Variants in MVB12B observed in about 807,000 individuals in gnomAD.
MVB12B encodes multivesicular body subunit 12B, also known as ESCRT-I complex subunit MVB12B.
In MVB12B, 16 loss-of-function variants were observed where a neutral mutation model predicts 41.6. That is an observed-to-expected ratio of 0.38 (90% CI 0.26 to 0.58). The LOEUF is 0.58. MVB12B is among the 20% of genes least tolerant of loss of function. MVB12B has a pLI of 0.62. For synonymous variants in MVB12B, 133 were observed against 139.7 expected (o/e 0.95, Z 0.34); for missense variants, 274 against 380.2 (o/e 0.72, Z 2.32).
chr9:126,428,124 C>G (rs1424937119), intron 7 of MVB12B, among the ~76,000 whole-genome samples: 1 of 152,042 alleles, frequency 6.6e-6, no homozygotes, highest in South Asian at 2.1e-4. Context: ...GATCATGGCC[C>G]CTTGTACAGA....
intron 6 of MVB12B, among the ~76,000 whole-genome samples, chr9:126,406,015 G>C (rs1831409811): frequency 3.3e-5 from 5 of 150,574 alleles, no homozygotes; most frequent in Admixed American, 1.3e-4. Flanking sequence ...GTGAATAATT[G>C]TGTCCTCATT....
At chr9:126,447,145 A>G (rs1379917584) in intron 7 of MVB12B, among the ~76,000 whole-genome samples, 1 of 150,384 alleles carries the variant, frequency 6.6e-6, no homozygotes, top group Admixed American at 6.6e-5. Context: ...GGGTTTCACC[A>G]TGTTGGCCAG....
chr9:126,414,800 T>C lies in MVB12B; in HGVS notation c.663-7054T>C, dbSNP rs866227685. ...CTGTCCATAAGTGCACCAGCCACCA[T>C]CATTCTCGTGGACCTCTCAGGTTTT... On this transcript the variant is annotated intron_variant, in intron 6 of 9. Transcript: ENST00000361171. Among the ~76,000 whole-genome samples, 88 of 152,130 alleles carry C rather than the reference T, an allele frequency of 5.8e-4. 1 individual carries two copies. The highest frequency in any genetic ancestry group is 2.1e-3 in the African/African-American group (85 of 41,442).
intron 2 of MVB12B, among the ~76,000 whole-genome samples, chr9:126,380,080 T>C (rs1164104777): frequency 2.6e-5 from 4 of 152,346 alleles, no homozygotes; most frequent in Admixed American, 1.3e-4. Flanking sequence ...AAACAGGCAC[T>C]GCTCCTCAGT....
chr9:126,419,449 A>G (rs882749), intron 6 of MVB12B, among the ~76,000 whole-genome samples: 19,627 of 152,200 alleles, frequency 0.13, 1,713 homozygotes, highest in East Asian at 0.4. Flanking sequence ...TTCAACACGC[A>G]CTGGGCCGCG....
chr9:126,384,711 T>A (rs1189586529), intron 3 of MVB12B, among the ~76,000 whole-genome samples: 5 of 151,746 alleles, frequency 3.3e-5, no homozygotes, highest in African/African-American at 7.3e-5. Flanking sequence ...GTATTTTTTT[T>A]AAGTAGAGAC....
chr9:126,336,758 A>G (rs868321711), intron 1 of MVB12B, among the ~76,000 whole-genome samples: 69 of 150,880 alleles, frequency 4.6e-4, no homozygotes, highest in African/African-American at 9.1e-4. Flanking sequence ...GTGCACGCAC[A>G]CACACACACA....
chr9:126,340,391 C>A lies in MVB12B; in HGVS notation c.82-117C>A. The A allele has an allele frequency of 8.8e-7, 1 of 1,136,084 alleles. No individual in the cohort carries two copies. The highest frequency in any genetic ancestry group is 1.3e-6 in the Non-Finnish European group (1 of 777,598). 70.4% of individuals were successfully genotyped at this position (1,136,084 alleles called of 1,614,324 possible). A position where few individuals can be genotyped will look rare whatever the true frequency, so the allele number is the denominator to read the frequency against. On this transcript the variant is annotated intron_variant, in intron 1 of 9. Transcript: ENST00000361171. This position sits in a 1 kb window ranked among gnomAD's most constrained non-coding sequence, Gnocchi z 4.0. Reference sequence around the variant, plus strand: ...AGGGTCAGGACTCATTCAACCAGTACAGGTATGTGAAACTCAGGGTATTTG... The same window carrying A: ...AGGGTCAGGACTCATTCAACCAGTAAAGGTATGTGAAACTCAGGGTATTTG...
At chr9:126,370,942 T>C (rs1267168274) in intron 2 of MVB12B, among the ~76,000 whole-genome samples, 1 of 152,210 alleles carries the variant, frequency 6.6e-6, no homozygotes, top group Non-Finnish European at 1.5e-5. Context: ...ATACTCCACA[T>C]TTTTTTCTAA....
rs1347231530 is a variant in MVB12B, at chr9:126,392,679, A to G, written c.539+484A>G. ...CAGACAGTGAAGAAAGTGAAACACA[A>G]TGATGGAGTGGGGGCCTCTTCCGTG... On this transcript the variant is annotated intron_variant, in intron 5 of 9. Transcript: ENST00000361171. The surrounding 1 kb of genome is among the most constrained non-coding windows in gnomAD (Gnocchi z 4.8). 6.6e-6 allele frequency among the ~76,000 whole-genome samples: 1 copy of G among 152,246 alleles called. No individual in the cohort carries two copies. The highest frequency in any genetic ancestry group is 1.5e-5 in the Non-Finnish European group (1 of 68,030).
intron 7 of MVB12B, among the ~76,000 whole-genome samples, chr9:126,458,899 C>A (rs142600674): frequency 2.2e-4 from 33 of 152,250 alleles, no homozygotes; most frequent in African/African-American, 7.7e-4. Flanking sequence ...GGGAGAGAGA[C>A]CGAAAAAACA....
chr9:126,399,795 G>A (rs376971740), intron 6 of MVB12B, among the ~76,000 whole-genome samples: 2 of 152,294 alleles, frequency 1.3e-5, no homozygotes, highest in African/African-American at 4.8e-5. Flanking sequence ...AGACATCAGA[G>A]GCATGCTTAT....
At chr9:126,343,882 G>A (rs890760771) in intron 2 of MVB12B, among the ~76,000 whole-genome samples, 1 of 152,052 alleles carries the variant, frequency 6.6e-6, no homozygotes, top group Non-Finnish European at 1.5e-5. Context: ...GCGCCACTGC[G>A]CTCCAGCCTG....
intron 6 of MVB12B, among the ~76,000 whole-genome samples, chr9:126,410,302 G>A (rs1831606526): frequency 6.6e-6 from 1 of 152,192 alleles, no homozygotes; most frequent in South Asian, 2.1e-4. Flanking sequence ...AAAATGAACA[G>A]GTCTGTGTTT....
chr9:126,330,440 CT>C (rs917710086), intron 1 of MVB12B, among the ~76,000 whole-genome samples: 1 of 152,048 alleles, frequency 6.6e-6, no homozygotes, highest in African/African-American at 2.4e-5. Flanking sequence ...CTAAATATGC[CT>C]GTGGTGTTGA....
chr9:126,340,442 A>G lies in MVB12B; in HGVS notation c.82-66A>G, dbSNP rs568332218. ...CCCCAAGATTCTGGTTCTGTTTGAG[A>G]CTTTATATTATTCACATAAATGCTA... On this transcript the variant is annotated intron_variant, in intron 1 of 9. Transcript: ENST00000361171. The surrounding 1 kb of genome is among the most constrained non-coding windows in gnomAD (Gnocchi z 4.0). 13 of 1,586,342 alleles carry G rather than the reference A, an allele frequency of 8.2e-6. No homozygotes were observed.
At chr9:126,379,068 A>G (rs1830565662) in intron 2 of MVB12B, among the ~76,000 whole-genome samples, 1 of 152,200 alleles carries the variant, frequency 6.6e-6, no homozygotes, top group Non-Finnish European at 1.5e-5. Context: ...CTTCCAAGGC[A>G]GCTTGTGGTT....
At chr9:126,431,374 A>G (rs1832327864) in intron 7 of MVB12B, among the ~76,000 whole-genome samples, 1 of 152,216 alleles carries the variant, frequency 6.6e-6, no homozygotes, top group Admixed American at 6.5e-5. Flanking sequence ...AGTGCTTGGC[A>G]GCGTGAGGCT....
At chr9:126,427,989 G>A (rs1588164693) in intron 7 of MVB12B, among the ~76,000 whole-genome samples, 1 of 150,628 alleles carries the variant, frequency 6.6e-6, no homozygotes, top group East Asian at 1.9e-4. Flanking sequence ...TTTGATTGCT[G>A]GAAAAGCCAG....
Sources: gnomAD v4.1 joint callset for allele counts (sites outside exome capture counted in the v4.1 genomes callset) on GRCh38, gnomAD v4.1.1 for gene constraint, Gnocchi (gnomAD v3.1) non-coding constraint, MANE v1.5 for transcripts, NCBI Gene and HGNC (gene_info 2026-07-23, HGNC 2026-07-21) for gene names.